Variants in CEP350 observed in about 807,000 individuals in gnomAD.
The protein encoded by CEP350 is centrosomal protein 350, also known as centrosome-associated protein 350.
Under a neutral mutation model 331.8 loss-of-function variants are expected in CEP350, and 126 were observed. That is an observed-to-expected ratio of 0.38 (90% CI 0.33 to 0.44). The LOEUF is 0.44. Ranked by LOEUF, CEP350 falls within the 20% of genes least tolerant of loss-of-function variation. The pLI is 1.00. For synonymous variants in CEP350, 1,200 were observed against 1,259.5 expected, an observed-to-expected ratio of 0.95 and a Z score of 1.00; for missense variants, 3,406 against 3,634.6, an observed-to-expected ratio of 0.94 and a Z score of 1.62.
chr1:180,006,581 A>C lies in CEP350; in HGVS notation c.1246+14A>C. ...AATGCAGAACAGGTTAGTTTTCTCA[A>C]CATGTCCATCCTTTTTTTTTGTTTT... is the stretch of plus-strand genomic sequence containing the variant. On this transcript the variant is annotated intron_variant, in intron 8 of 37. Transcript: ENST00000367607. The C allele has an allele frequency of 8.2e-7, 1 of 1,219,514 alleles. No homozygotes were observed. The highest frequency in any genetic ancestry group is 1.2e-6 in the Non-Finnish European group (1 of 850,336). The allele number at this position is 1,219,514 out of a possible 1,614,324, so 75.5% of individuals were successfully genotyped here.
At chr1:180,044,609 T>G (rs145288274) in intron 21 of CEP350, among the ~76,000 whole-genome samples, 12,277 of 134,846 alleles carry the variant, frequency 0.091, 671 homozygotes, top group Middle Eastern at 0.16. Context: ...TTCTCACTCA[T>G]AGGTGGGAAT....
chr1:180,074,017 G>T, intron 27 of CEP350: 2 of 981,218 alleles, frequency 2.0e-6, no homozygotes, highest in East Asian at 6.5e-5. Flanking sequence ...TAGCCTGGAG[G>T]CCTCTTATCA....
intron 28 of CEP350, among the ~76,000 whole-genome samples, chr1:180,077,411 C>T (rs1403401679): frequency 6.6e-6 from 1 of 151,928 alleles, no homozygotes; most frequent in Admixed American, 6.6e-5. Context: ...CAGTGGCTCA[C>T]ACCTATAATC....
At chr1:180,075,906 A>C (rs1473809774) in intron 28 of CEP350, among the ~76,000 whole-genome samples, 1 of 151,944 alleles carries the variant, frequency 6.6e-6, no homozygotes, top group Non-Finnish European at 1.5e-5. Flanking sequence ...GCAGTGAGCC[A>C]ACATCGTACC....
chr1:180,079,066 G>C (rs1659407457), intron 29 of CEP350, among the ~76,000 whole-genome samples: 1 of 151,930 alleles, frequency 6.6e-6, no homozygotes, highest in African/African-American at 2.4e-5. Flanking sequence ...TAGAATAAAA[G>C]TAATGGTTTA....
intron 8 of CEP350, among the ~76,000 whole-genome samples, chr1:180,008,695 A>T (rs978869227): frequency 6.6e-6 from 1 of 152,208 alleles, no homozygotes; most frequent in African/African-American, 2.4e-5. Context: ...GGTAAGCAAG[A>T]TGCATCTAGC....
At position 180,013,904 on chromosome 1, in the gene CEP350, T is replaced by C. The variant is rs772177241; in HGVS notation, c.1451T>C (p.Leu484Pro). ...DPRLDVLHRH[L>P]QRNSERSRSK... ...AGGTTGGACGTTTTACATAGACATC[T>C]TCAAAGAAACTCAGAACGTTCGAGA... is the stretch of plus-strand genomic sequence containing the variant. The change falls in exon 10 of 38, where the codon CTT (leucine) becomes CCT (proline). Residue 484 changes from leucine to proline, a missense_variant. Leu to Pro is a moderately conservative substitution (Grantham distance 98, BLOSUM62 -3). This residue lies in a region of CEP350 where 1,857 missense variants were observed against 1,909.2 expected (regional missense o/e 0.97). Transcript: ENST00000367607. 6.2e-7 allele frequency: 1 copy of C among 1,613,650 alleles called. No homozygotes were observed. The highest frequency in any genetic ancestry group is 1.7e-5 in the Admixed American group (1 of 59,914).
In CEP350 at chr1:179,982,450, T is replaced by C. The variant is rs550805742; in HGVS notation, c.-13-3719T>C. ...ACATAAATGTCATACTTTTAATATT[T>C]AGTAATTTATATTAAAGATGATTGC... On this transcript the variant is annotated intron_variant, in intron 1 of 37. Transcript: ENST00000367607. 2.1e-4 allele frequency among the ~76,000 whole-genome samples: 32 copies of C among 152,326 alleles called. No homozygotes were observed. The South Asian group carries it at 3.3e-3, about 16-fold the overall frequency.
intron 7 of CEP350, among the ~76,000 whole-genome samples, chr1:180,004,884 TTGCTTG>T (rs1654119085): frequency 2.8e-5 from 2 of 71,062 alleles, no homozygotes; most frequent in Non-Finnish European, 5.6e-5. Context: ...GCTTGCTTGC[TTGCTTG>T]CTTGCTTGCT....
chr1:180,052,539 C>T (rs1358410987), intron 22 of CEP350, among the ~76,000 whole-genome samples: 1 of 152,234 alleles, frequency 6.6e-6, no homozygotes, highest in Non-Finnish European at 1.5e-5. Flanking sequence ...AAAGAGCTGT[C>T]ATATTCTAAT....
intron 30 of CEP350, among the ~76,000 whole-genome samples, chr1:180,081,222 C>T (rs746500909): frequency 2.0e-5 from 3 of 152,012 alleles, no homozygotes; most frequent in African/African-American, 7.3e-5. Flanking sequence ...ATTTAGTAAA[C>T]GAAACATGAA....
chr1:179,990,335 T>C (rs922261715), intron 3 of CEP350, among the ~76,000 whole-genome samples, 172 bp from the exon 4 acceptor site: 2 of 152,230 alleles, frequency 1.3e-5, no homozygotes, highest in African/African-American at 4.8e-5. Flanking sequence ...GATGTTATTA[T>C]AGCTAAAGTA....
chr1:180,057,921 G>T (rs929765908), intron 25 of CEP350, among the ~76,000 whole-genome samples: 1 of 152,166 alleles, frequency 6.6e-6, no homozygotes, highest in Non-Finnish European at 1.5e-5. Context: ...AGCCCTCTAT[G>T]TGCTACTTCA....
rs778357376 is a variant in CEP350, at chr1:179,992,219, T to C, written c.393T>C (p.Tyr131=). The change falls in exon 5 of 38, where the codon TAT becomes TAC. Residue 131 remains tyrosine, a splice_region_variant and synonymous_variant. Coordinates refer to ENST00000367607, the MANE Select transcript of CEP350 (RefSeq NM_014810.5). ...RVEFREPLVS[Y]REIHGAPSNF... ...AATTTCGTGAACCTTTGGTTTCTTA[T>C]AGGTTAGTATTGAGAAAAAAAAAAG... 70 of 1,483,618 alleles carry C rather than the reference T, an allele frequency of 4.7e-5. No homozygotes were observed. Among genetic ancestry groups the C allele is most frequent in the Non-Finnish European group, 5.2e-5 (59 of 1,124,974 alleles). 91.9% of individuals were successfully genotyped at this position (1,483,618 alleles called of 1,614,324 possible).
intron 25 of CEP350, among the ~76,000 whole-genome samples, chr1:180,056,742 G>A (rs189359068): frequency 1.4e-4 from 22 of 152,226 alleles, no homozygotes; most frequent in Admixed American, 1.0e-3. Flanking sequence ...GATTACAGGT[G>A]TGAGCCACTG....
At chr1:179,991,314 C>CTTTTTTTTTTTTTTTTTT in intron 4 of CEP350, among the ~76,000 whole-genome samples, 1 of 109,386 alleles carries the variant, frequency 9.1e-6, no homozygotes, top group Non-Finnish European at 1.9e-5. Context: ...TCTTTCTTTT[C>CTTTTTTTTTTTTTTTTTT]TTTTTTTTTT....
At chr1:180,009,248 G>A (rs1204325266) in intron 8 of CEP350, among the ~76,000 whole-genome samples, 3 of 152,216 alleles carry the variant, frequency 2.0e-5, no homozygotes, top group South Asian at 2.1e-4. Context: ...GGCCTCAAGC[G>A]ATCCGCCTGC....
chr1:179,993,284 A>T (rs1653226471), intron 5 of CEP350, among the ~76,000 whole-genome samples: 1 of 152,204 alleles, frequency 6.6e-6, no homozygotes, highest in Non-Finnish European at 1.5e-5. Flanking sequence ...CGAAGTTTAG[A>T]ATCTCTAAAC....
At chr1:180,090,415 G>A (rs941365315) in intron 32 of CEP350, among the ~76,000 whole-genome samples, 3 of 150,962 alleles carry the variant, frequency 2.0e-5, no homozygotes, top group Admixed American at 1.3e-4. Context: ...GCGTGGTGGC[G>A]GGCGCCTGTA....
Sources: allele counts gnomAD v4.1 joint callset (sites outside exome capture counted in the v4.1 genomes callset), GRCh38; gene constraint gnomAD v4.1.1; regional missense constraint gnomAD v4.1.1; transcripts MANE v1.5; gene names NCBI Gene and HGNC (gene_info 2026-07-23, HGNC 2026-07-21).